Variants in SMG6 observed in about 807,000 individuals in gnomAD.
The protein encoded by SMG6 is telomerase-binding protein EST1A.
In SMG6, 66 loss-of-function variants were observed where a neutral mutation model predicts 142.2. The observed-to-expected ratio is 0.46, with a 90% CI of 0.38 to 0.57. The LOEUF (loss-of-function observed/expected upper bound fraction) is 0.57. Ranked by LOEUF, SMG6 falls within the 20% of genes least tolerant of loss-of-function variation. The pLI is 0.00. For missense variants in SMG6, 1,793 were observed against 1,832.0 expected, an observed-to-expected ratio of 0.98 and a Z score of 0.39; for synonymous variants, 779 against 702.4, an observed-to-expected ratio of 1.11 and a Z score of -1.72.
chr17:2,112,010 T>G (rs2069335238), intron 13 of SMG6, among the ~76,000 whole-genome samples: 2 of 152,164 alleles, frequency 1.3e-5, no homozygotes, highest in South Asian at 4.1e-4. Flanking sequence ...CAAGTACATA[T>G]TTACAAATCT....
At chr17:2,063,736 G>C (rs1166079872) in intron 18 of SMG6, among the ~76,000 whole-genome samples, 1 of 152,242 alleles carries the variant, frequency 6.6e-6, no homozygotes, top group Non-Finnish European at 1.5e-5. Flanking sequence ...GAGGATTTGG[G>C]AGGGAGAGGC....
chr17:2,200,626 A>G (rs113676148), intron 10 of SMG6, among the ~76,000 whole-genome samples: 4,049 of 152,266 alleles, frequency 0.027, 73 homozygotes, highest in Non-Finnish European at 0.043. Flanking sequence ...TCAGCCTCCC[A>G]AAGTGCAAGA....
rs183280544 is a variant in SMG6, at chr17:2,075,807, G to A, written c.3681+6003C>T. Among the ~76,000 whole-genome samples, 6 of 152,358 alleles carry A rather than the reference G, an allele frequency of 3.9e-5. No homozygotes were observed. In the East Asian group the frequency reaches 9.7e-4, roughly 25 times the overall value. ...GACAGAGCGTGGGCTGAGCCGGAGA[G>A]TGTGGCCTCAAAGCCCTGGGTGGGC... On this transcript the variant is annotated intron_variant, in intron 15 of 18. Coordinates refer to ENST00000263073, the MANE Select transcript of SMG6 (RefSeq NM_017575.5).
Position 2,282,663 on chromosome 17 carries a change from C to G in SMG6, c.2645G>C (p.Ser882Thr). ...KDSEQENGLG[S>T]LSPSDLNKRF... is the part of the protein sequence containing the mutation. ...GGAACTTACATCACTGGGACTCAGG[C>G]TGCCCAGCCCATTCTCTTGCTCAGA... The change falls in exon 8 of 19, where the codon AGC becomes ACC. Residue 882 changes from serine to threonine, a missense_variant. By Grantham distance (58) the Ser-to-Thr change is moderately conservative. Around this residue, in one of 3 missense-constraint regions of SMG6, gnomAD observed 1,597 missense variants for 1,584.6 expected, o/e 1.01. Coordinates refer to ENST00000263073, the MANE Select transcript of SMG6 (RefSeq NM_017575.5). 1 of 1,613,998 alleles carries G rather than the reference C, an allele frequency of 6.2e-7. No homozygotes were observed. Among genetic ancestry groups the G allele is most frequent in the Non-Finnish European group, 8.5e-7 (1 of 1,179,962 alleles).
intron 15 of SMG6, among the ~76,000 whole-genome samples, chr17:2,080,267 A>G (rs1365353984): frequency 6.6e-6 from 1 of 151,564 alleles, no homozygotes; most frequent in African/African-American, 2.4e-5. Context: ...AAAAATACAA[A>G]ATTAGCTGGG....
At chr17:2,191,526 T>C (rs2072163072) in intron 10 of SMG6, among the ~76,000 whole-genome samples, 4 of 152,360 alleles carry the variant, frequency 2.6e-5, no homozygotes, top group Admixed American at 2.6e-4. Context: ...TGACAGGAGC[T>C]GAGGAACTCA....
chr17:2,159,122 A>C (rs1050667391), intron 13 of SMG6, among the ~76,000 whole-genome samples: 1 of 152,118 alleles, frequency 6.6e-6, no homozygotes, highest in Non-Finnish European at 1.5e-5. Flanking sequence ...ATTCAGGAAA[A>C]TGACTATTAA....
intron 1 of SMG6, chr17:2,303,341 C>A (rs1352842542): frequency 5.1e-6 from 6 of 1,175,214 alleles, no homozygotes; most frequent in Non-Finnish European, 6.3e-6. Flanking sequence ...GAATCCGGGG[C>A]GGGTCTGAGA....
chr17:2,108,310 T>C lies in SMG6; in HGVS notation c.3358-22409A>G, dbSNP rs138441058. ...CCAGCGTCCACTATGAAAACACATA[T>C]TGAAACTTTCATTTTTAAAAATCTT... On this transcript the variant is annotated intron_variant, in intron 13 of 18. Coordinates refer to ENST00000263073, the MANE Select transcript of SMG6 (RefSeq NM_017575.5). Among the ~76,000 whole-genome samples, 132 of 152,276 alleles carry C rather than the reference T, an allele frequency of 8.7e-4. 1 individual carries two copies. The East Asian group carries it at 0.025, about 29-fold the overall frequency.
At chr17:2,120,118 G>A (rs559675643) in intron 13 of SMG6, among the ~76,000 whole-genome samples, 14 of 152,328 alleles carry the variant, frequency 9.2e-5, no homozygotes, top group South Asian at 8.3e-4. Context: ...TCCATACAGC[G>A]CTTAGAGGAG....
Position 2,282,757 on chromosome 17 carries a change from T to G in SMG6, c.2551A>C (p.Thr851Pro), listed in dbSNP as rs745562327. 8.1e-6 allele frequency: 13 copies of G among 1,613,964 alleles called. No individual in the cohort carries two copies. The highest frequency in any genetic ancestry group is 2.7e-5 in the African/African-American group (2 of 74,870). The change falls in exon 8 of 19, where the codon ACT (threonine) becomes CCT (proline). Residue 851 changes from threonine to proline, a missense_variant. This residue lies in a region of SMG6 where 1,597 missense variants were observed against 1,584.6 expected (regional missense o/e 1.01). Transcript: ENST00000263073. Reference protein sequence around the residue: ...STFRHVGDDTTRLEIWIHPSH... With the variant: ...STFRHVGDDTPRLEIWIHPSH... The stretch of plus-strand genomic sequence containing the variant: ...GGATGAATCCAGATCTCCAGGCGAG[T>G]GGTGTCATCTCCAACATGCCGGAAA...
chr17:2,115,521 C>T (rs940227027), intron 13 of SMG6, among the ~76,000 whole-genome samples: 1 of 152,072 alleles, frequency 6.6e-6, no homozygotes, highest in African/African-American at 2.4e-5. Context: ...GAAGAAGATA[C>T]AGTATAGAAA....
Position 2,299,201 on chromosome 17 carries a change from A to T in SMG6, c.1552T>A (p.Ser518Thr), listed in dbSNP as rs767183917. ...YYYPRTPGPA[S>T]QYPYTGYNPL... ...TTATAGCCCGTATAGGGATACTGGGAGGCAGGGCCTGGTGTCCGGGGGTAA... is the reference window on the plus strand; with the variant it reads ...TTATAGCCCGTATAGGGATACTGGGTGGCAGGGCCTGGTGTCCGGGGGTAA... Residue 518 changes from serine (S) to threonine (T), a missense_variant, in exon 2 of 19, where the codon TCC becomes ACC. By Grantham distance (58) the Ser-to-Thr change is moderately conservative. This residue lies in a region of SMG6 where 1,597 missense variants were observed against 1,584.6 expected (regional missense o/e 1.01). Coordinates refer to ENST00000263073, the MANE Select transcript of SMG6 (RefSeq NM_017575.5). This position sits in a 1 kb window ranked among gnomAD's most constrained non-coding sequence, Gnocchi z 4.3. 5 of 1,613,622 alleles carry T rather than the reference A, an allele frequency of 3.1e-6. No individual in the cohort carries two copies. The South Asian group carries it at 5.5e-5, about 18-fold the overall frequency.
At chr17:2,169,399 G>C (rs1287095994) in intron 13 of SMG6, among the ~76,000 whole-genome samples, 1 of 152,122 alleles carries the variant, frequency 6.6e-6, no homozygotes, top group Non-Finnish European at 1.5e-5. Flanking sequence ...ACCTAGCTCA[G>C]GGACTGATAC....
intron 13 of SMG6, among the ~76,000 whole-genome samples, chr17:2,104,782 T>C (rs751104713): frequency 5.3e-5 from 8 of 152,184 alleles, no homozygotes; most frequent in South Asian, 4.1e-4. Flanking sequence ...AAGCAAGTGA[T>C]GAAGTGATGA....
chr17:2,069,127 G>A (rs2068029078), intron 15 of SMG6, among the ~76,000 whole-genome samples, 196 bp from the exon 16 acceptor site: 1 of 152,194 alleles, frequency 6.6e-6, no homozygotes. Context: ...CAGAGCTCAA[G>A]GGGCCCAGGG....
intron 10 of SMG6, among the ~76,000 whole-genome samples, chr17:2,218,489 T>C (rs1162526702): frequency 2.0e-5 from 3 of 152,066 alleles, no homozygotes; most frequent in African/African-American, 7.2e-5. Context: ...GAGCTTGCAG[T>C]GAGCCTAGAT....
chr17:2,145,092 G>A (rs552538799), intron 13 of SMG6, among the ~76,000 whole-genome samples: 1 of 152,094 alleles, frequency 6.6e-6, no homozygotes, highest in Non-Finnish European at 1.5e-5. Context: ...ATTATAGTTA[G>A]CATTTTATGT....
At chr17:2,238,205 C>T (rs905577382) in intron 9 of SMG6, among the ~76,000 whole-genome samples, 15 of 152,176 alleles carry the variant, frequency 9.9e-5, no homozygotes, top group Admixed American at 7.9e-4. Flanking sequence ...GCCCAGAAGT[C>T]GTGCCACAGT....
Sources: allele counts gnomAD v4.1 joint callset (sites outside exome capture counted in the v4.1 genomes callset), GRCh38; gene constraint gnomAD v4.1.1; regional missense constraint gnomAD v4.1.1; non-coding constraint Gnocchi (gnomAD v3.1); transcripts MANE v1.5; gene names NCBI Gene and HGNC (gene_info 2026-07-23, HGNC 2026-07-21).